Variants in WAC observed in about 807,000 individuals in gnomAD.
WAC encodes the protein WW domain containing adaptor with coiled-coil.
Under a neutral mutation model 79.6 loss-of-function variants are expected in WAC, and 11 were observed. The observed-to-expected ratio is 0.14, with a 90% confidence interval of 0.09 to 0.23. The LOEUF is 0.23. WAC is among the 10% of genes least tolerant of loss of function. The probability of loss-of-function intolerance (pLI) is 1.00; values close to 1 mark genes in which losing one functional copy is unlikely to be tolerated. For missense variants in WAC, 728 were observed against 773.5 expected (o/e 0.94, Z 0.70); for synonymous variants, 304 against 276.9 (o/e 1.10, Z -0.97).
chr10:28,559,537 A>G (rs1387070790), intron 3 of WAC, among the ~76,000 whole-genome samples: 1 of 152,184 alleles, frequency 6.6e-6, no homozygotes, highest in Admixed American at 6.5e-5. Flanking sequence ...CTGCAGCCCC[A>G]AAAACACTGG....
At chr10:28,592,275 G>T (rs1840131835) in intron 6 of WAC, among the ~76,000 whole-genome samples, 2 of 152,166 alleles carry the variant, frequency 1.3e-5, no homozygotes, top group African/African-American at 2.4e-5. Flanking sequence ...TAAACAAGTT[G>T]CACCCAGCTT....
intron 7 of WAC, 106 bp downstream of exon 7, chr10:28,596,147 T>TA (rs971634975): frequency 5.1e-5 from 62 of 1,227,466 alleles, no homozygotes; most frequent in Non-Finnish European, 6.6e-5. Context: ...TATAAATTTT[T>TA]AAAAAAGTCT....
chr10:28,599,462 C>T (rs777963439), intron 7 of WAC, among the ~76,000 whole-genome samples: 3 of 152,138 alleles, frequency 2.0e-5, no homozygotes, highest in Non-Finnish European at 4.4e-5. Flanking sequence ...GCCTATACTA[C>T]ATGTGTGTAA....
intron 3 of WAC, among the ~76,000 whole-genome samples, chr10:28,582,387 A>G (rs540143947): frequency 2.1e-4 from 32 of 152,312 alleles, no homozygotes; most frequent in African/African-American, 6.7e-4. Context: ...CATCTGTCTC[A>G]GTTCACCTTT....
chr10:28,608,768 A>C (rs955430312), intron 8 of WAC, among the ~76,000 whole-genome samples: 1 of 152,202 alleles, frequency 6.6e-6, no homozygotes, highest in Non-Finnish European at 1.5e-5. Flanking sequence ...TGAAATCGGT[A>C]TTAAAACTTC....
chr10:28,604,394 G>A (rs2132772330), intron 7 of WAC, among the ~76,000 whole-genome samples: 1 of 152,192 alleles, frequency 6.6e-6, no homozygotes, highest in Non-Finnish European at 1.5e-5. Context: ...GTATGTTGAT[G>A]CCATTTTGGT....
At position 28,542,071 on chromosome 10, in the gene WAC, T is replaced by G. The variant is rs543635186; in HGVS notation, c.274+6314T>G. ...AGCCTCTTCTACTATCTTCCCCTTGTTTGTGCTACTCTCTCCATACTGGCC... is the reference window on the plus strand; with the variant it reads ...AGCCTCTTCTACTATCTTCCCCTTGGTTGTGCTACTCTCTCCATACTGGCC... On this transcript the variant is annotated intron_variant, in intron 3 of 13. Transcript: ENST00000354911. Among the ~76,000 whole-genome samples, 53 of 152,306 alleles carry G rather than the reference T, an allele frequency of 3.5e-4. No individual in the cohort carries two copies. In the East Asian group the frequency reaches 6.7e-3, roughly 19 times the overall value.
At chr10:28,547,855 G>A (rs905610424) in intron 3 of WAC, among the ~76,000 whole-genome samples, 38 of 145,254 alleles carry the variant, frequency 2.6e-4, no homozygotes, top group African/African-American at 9.4e-4. Context: ...GCCTTTTTTC[G>A]TTACTTCTAA....
chr10:28,589,010 A>AT (rs1226516836), intron 4 of WAC: 6 of 152,202 alleles, frequency 3.9e-5, no homozygotes, highest in Admixed American at 1.3e-4. Context: ...TCTTTGTGAG[A>AT]TTCGTTTCGT....
At chr10:28,594,216 A>C (rs1440224506) in intron 6 of WAC, among the ~76,000 whole-genome samples, 8 of 151,994 alleles carry the variant, frequency 5.3e-5, no homozygotes. Flanking sequence ...CTTAATTTTC[A>C]TTGGAGTACA....
intron 3 of WAC, among the ~76,000 whole-genome samples, chr10:28,556,181 A>G (rs1037833133): frequency 8.5e-5 from 13 of 152,230 alleles, no homozygotes; most frequent in African/African-American, 2.9e-4. Context: ...ATTTCCACCA[A>G]TAGTGTACAA....
rs1244936953 is a variant in WAC, at chr10:28,621,175, CTT to C, written c.*1570_*1571del. 3 of 120,170 alleles carry C rather than the reference CTT, an allele frequency of 2.5e-5. No individual in the cohort carries two copies. Among genetic ancestry groups the C allele is most frequent in the African/African-American group, 8.7e-5 (3 of 34,440 alleles). 7.4% of individuals were successfully genotyped at this position (120,170 alleles called of 1,614,324 possible). A position where few individuals can be genotyped will look rare whatever the true frequency, so the allele number is the denominator to read the frequency against. On this transcript the variant is annotated 3_prime_UTR_variant, in exon 14 of 14. Coordinates refer to ENST00000354911, the MANE Select transcript of WAC (RefSeq NM_016628.5). ...ATTTAGAAAGGTGTTTCTTCTTCTT[CTT>C]CTTTTTTTTCTTTAAATTGGTTTAG...
At position 28,622,640 on chromosome 10, in the gene WAC, CATT is replaced by C. The variant is rs1293511282; in HGVS notation, c.*3037_*3039del. On this transcript the variant is annotated 3_prime_UTR_variant, in exon 14 of 14. Transcript: ENST00000354911. Reference sequence around the variant, plus strand: ...AACATGCTTCAGCCCTGTTTCAAGACATTATGCTTCTTTTAACAGTCCAAATTA... The same window carrying C: ...AACATGCTTCAGCCCTGTTTCAAGACATGCTTCTTTTAACAGTCCAAATTA... The C allele has an allele frequency of 1.3e-5, 2 of 152,080 alleles. No individual in the cohort carries two copies. The highest frequency in any genetic ancestry group is 2.1e-4 in the South Asian group (1 of 4,826). The allele number at this position is 152,080 out of a possible 1,614,324, so 9.4% of individuals were successfully genotyped here.
intron 3 of WAC, among the ~76,000 whole-genome samples, chr10:28,560,068 G>A (rs936775775): frequency 6.6e-6 from 1 of 152,172 alleles, no homozygotes; most frequent in South Asian, 2.1e-4. Context: ...AAGGCCAGGC[G>A]TGGTGGCTCA....
chr10:28,533,469 G>T lies in WAC; in HGVS notation c.-111G>T, dbSNP rs1342658936. ...ATGAGAGTCGCCGAGGGCGCGCCGG[G>T]CCCAGGTGCCGGGGCTGCCCGCCGC... On this transcript the variant is annotated 5_prime_UTR_variant, in exon 1 of 14. Coordinates refer to ENST00000354911, the MANE Select transcript of WAC (RefSeq NM_016628.5). 4 of 523,802 alleles carry T rather than the reference G, an allele frequency of 7.6e-6. No homozygotes were observed. The highest frequency in any genetic ancestry group is 7.5e-6 in the Non-Finnish European group (3 of 402,200). 32.4% of individuals were successfully genotyped at this position (523,802 alleles called of 1,614,324 possible). A position where few individuals can be genotyped will look rare whatever the true frequency, so the allele number is the denominator to read the frequency against.
intron 7 of WAC, among the ~76,000 whole-genome samples, chr10:28,601,191 G>A (rs777670208): frequency 1.3e-5 from 2 of 152,110 alleles, no homozygotes; most frequent in Non-Finnish European, 2.9e-5. Context: ...AGGGATGAAT[G>A]AATATATGTA....
chr10:28,540,377 G>A (rs1836944678), intron 3 of WAC, among the ~76,000 whole-genome samples: 1 of 152,134 alleles, frequency 6.6e-6, no homozygotes, highest in Non-Finnish European at 1.5e-5. Flanking sequence ...ACTATGGCAT[G>A]AATTAGTTTG....
At chr10:28,567,032 T>C (rs1220411868) in intron 3 of WAC, among the ~76,000 whole-genome samples, 1 of 151,962 alleles carries the variant, frequency 6.6e-6, no homozygotes, top group Non-Finnish European at 1.5e-5. Flanking sequence ...CTAAGTACTT[T>C]ACATTTTTGT....
Position 28,581,238 on chromosome 10 carries a change from CTTTTTTTTTT to C in WAC, c.275-2138_275-2129del, listed in dbSNP as rs71391053. ...AACAGCTTAGGTACAATGAGCGATTCTTTTTTTTTTTTTTTTTTTTTTTTTTTTTTTTAAG... is the reference window on the plus strand; with the variant it reads ...AACAGCTTAGGTACAATGAGCGATTCTTTTTTTTTTTTTTTTTTTTTTAAG... On this transcript the variant is annotated intron_variant, in intron 3 of 13. Coordinates refer to ENST00000354911, the MANE Select transcript of WAC (RefSeq NM_016628.5). 4.3e-3 allele frequency among the ~76,000 whole-genome samples: 284 copies of C among 66,122 alleles called. 2 individuals are homozygous for C. The highest frequency in any genetic ancestry group is 0.024 in the Middle Eastern group (2 of 84). The allele number at this position is 66,122 out of a possible 152,430, so 43.4% of individuals were successfully genotyped here.
Sources: allele counts gnomAD v4.1 joint callset (sites outside exome capture counted in the v4.1 genomes callset), GRCh38; gene constraint gnomAD v4.1.1; transcripts MANE v1.5; gene names NCBI Gene and HGNC (gene_info 2026-07-23, HGNC 2026-07-21).